CACNA1E: variants seen among roughly 807,000 people sequenced by gnomAD.
CACNA1E encodes voltage-dependent R-type calcium channel subunit alpha-1E.
CACNA1E carries 40 observed loss-of-function variants against 259.2 expected under a neutral mutation model. The ratio of observed to expected loss-of-function variants is 0.15; its 90% CI spans 0.12 to 0.20. The LOEUF (loss-of-function observed/expected upper bound fraction) is 0.20. CACNA1E is among the 10% of genes least tolerant of loss of function. CACNA1E has a pLI of 1.00. For missense variants in CACNA1E, 1,874 were observed against 3,040.1 expected, an observed-to-expected ratio of 0.62 and a Z score of 9.02; for synonymous variants, 1,104 against 1,138.5, an observed-to-expected ratio of 0.97 and a Z score of 0.61.
chr1:181,708,604 A>G (rs980172131), intron 7 of CACNA1E, among the ~76,000 whole-genome samples: 4 of 152,212 alleles, frequency 2.6e-5, no homozygotes, highest in Non-Finnish European at 5.9e-5. Context: ...CAGACCTATG[A>G]AAAGGTAAAG....
intron 2 of CACNA1E, among the ~76,000 whole-genome samples, chr1:181,436,744 G>GT (rs113499116): frequency 0.074 from 10,401 of 140,314 alleles, 605 homozygotes; most frequent in African/African-American, 0.17. Context: ...TGTTCAAAGG[G>GT]TACAACATTT....
intron 1 of CACNA1E, among the ~76,000 whole-genome samples, chr1:181,336,150 T>G (rs182578798): frequency 3.4e-4 from 52 of 152,262 alleles, no homozygotes; most frequent in African/African-American, 1.1e-3. Flanking sequence ...AGGGCTTGAG[T>G]GAAGATAGAA....
At chr1:181,788,835 A>ATAAT (rs1661060443) in intron 43 of CACNA1E, among the ~76,000 whole-genome samples, 1 of 152,350 alleles carries the variant, frequency 6.6e-6, no homozygotes, top group South Asian at 2.1e-4. Context: ...TGAGGATTCT[A>ATAAT]TAATTATTTA....
chr1:181,743,394 C>T (rs1270773238), intron 25 of CACNA1E, among the ~76,000 whole-genome samples: 3 of 152,220 alleles, frequency 2.0e-5, no homozygotes, highest in African/African-American at 4.8e-5. Flanking sequence ...GTTGCCATCG[C>T]TGCTGCTTCC....
At chr1:181,343,748 T>C (rs1316414819) in intron 1 of CACNA1E, among the ~76,000 whole-genome samples, 3 of 152,218 alleles carry the variant, frequency 2.0e-5, no homozygotes, top group African/African-American at 7.2e-5. Flanking sequence ...ATTGCATCCT[T>C]GCATCCTTGG....
intron 3 of CACNA1E, among the ~76,000 whole-genome samples, chr1:181,570,858 C>T (rs1174606305): frequency 6.6e-6 from 1 of 152,220 alleles, no homozygotes; most frequent in Non-Finnish European, 1.5e-5. Flanking sequence ...GTCCCTTTTG[C>T]CATAACAGGT....
intron 1 of CACNA1E, among the ~76,000 whole-genome samples, chr1:181,402,128 A>G (rs1489561243): frequency 2.6e-5 from 4 of 152,380 alleles, no homozygotes; most frequent in Non-Finnish European, 4.4e-5. Context: ...ACTAATTTTT[A>G]TAACCAGATG....
At chr1:181,411,294 A>G (rs1404281620) in intron 1 of CACNA1E, among the ~76,000 whole-genome samples, 1 of 152,168 alleles carries the variant, frequency 6.6e-6, no homozygotes, top group Non-Finnish European at 1.5e-5. Flanking sequence ...AAGATCTAGT[A>G]CCAGCCACCC....
At position 181,771,823 on chromosome 1, in the gene CACNA1E, C is replaced by T. The variant is rs187995568; in HGVS notation, c.4974-243C>T. Among the ~76,000 whole-genome samples, 16 of 152,228 alleles carry T rather than the reference C, an allele frequency of 1.1e-4. No homozygotes were observed. In the East Asian group the frequency reaches 3.1e-3, roughly 29 times the overall value. On this transcript the variant is annotated intron_variant, in intron 36 of 47. Coordinates refer to ENST00000367573, the MANE Select transcript of CACNA1E (RefSeq NM_001205293.3). ...GTTTATGCTGGGTCTTAGAGAATCCCATGACTAGTAGCAGAGACCCCATAA... is the reference window on the plus strand; with the variant it reads ...GTTTATGCTGGGTCTTAGAGAATCCTATGACTAGTAGCAGAGACCCCATAA...
rs180906686 is a variant in CACNA1E, at chr1:181,388,954, T to C, written c.-14-24179T>C. On this transcript the variant is annotated intron_variant, in intron 1 of 11. Transcript: ENST00000524607. The stretch of plus-strand genomic sequence containing the variant: ...CGTTGTATATGCTGTCTGACATTGA[T>C]GGAAACATTGTTTTGTGGTGCATGA... Among the ~76,000 whole-genome samples, 41 of 152,244 alleles carry C rather than the reference T, an allele frequency of 2.7e-4. No homozygotes were observed. In the East Asian group the frequency reaches 7.3e-3, roughly 27 times the overall value.
At position 181,519,034 on chromosome 1, in the gene CACNA1E, C is replaced by T. The variant is rs1011216218; in HGVS notation, c.512+7524C>T. On this transcript the variant is annotated intron_variant, in intron 3 of 47. Coordinates refer to ENST00000367573, the MANE Select transcript of CACNA1E (RefSeq NM_001205293.3). ...TGGCAAGGTGCTTTCTAAGTCAGACCGTTCTCCTGGGCCTGGAGCTCTCAT... is the reference window on the plus strand; with the variant it reads ...TGGCAAGGTGCTTTCTAAGTCAGACTGTTCTCCTGGGCCTGGAGCTCTCAT... Among the ~76,000 whole-genome samples, 6 of 152,144 alleles carry T rather than the reference C, an allele frequency of 3.9e-5. No homozygotes were observed. In the South Asian group the frequency reaches 6.2e-4, roughly 16 times the overall value.
chr1:181,750,869 A>C (rs1008689190), intron 26 of CACNA1E, among the ~76,000 whole-genome samples: 1 of 152,196 alleles, frequency 6.6e-6, no homozygotes, highest in Non-Finnish European at 1.5e-5. Flanking sequence ...TCATTAAGAG[A>C]GTCTTAAAAT....
In CACNA1E at chr1:181,439,549, C is replaced by G. The variant is rs1049761228; in HGVS notation, c.434+25969C>G. Reference sequence around the variant, plus strand: ...AGGACAGGGCTGCAACTCAGTCATCCTGGTGTCCCCATCACCCAGCACAGT... The same window carrying G: ...AGGACAGGGCTGCAACTCAGTCATCGTGGTGTCCCCATCACCCAGCACAGT... On this transcript the variant is annotated intron_variant, in intron 2 of 11. Transcript: ENST00000524607. Among the ~76,000 whole-genome samples the G allele has an allele frequency of 7.2e-5, 11 of 152,146 alleles. 1 individual carries two copies. Among genetic ancestry groups the G allele is most frequent in the South Asian group, 4.1e-4 (2 of 4,824 alleles).
intron 1 of CACNA1E, among the ~76,000 whole-genome samples, chr1:181,318,872 T>C (rs1281378626): frequency 1.3e-5 from 2 of 152,138 alleles, no homozygotes; most frequent in Non-Finnish European, 2.9e-5. Flanking sequence ...CCAGGCTGCA[T>C]AGGGTGACTT....
chr1:181,485,179 G>A lies in CACNA1E; in HGVS notation c.266+1169G>A, dbSNP rs1032037527. ...TGGGAGGGATGCATCTGCAATGGAGGCCCCTTCTTTTCTCCCCTATTCTCC... is the reference window on the plus strand; with the variant it reads ...TGGGAGGGATGCATCTGCAATGGAGACCCCTTCTTTTCTCCCCTATTCTCC... On this transcript the variant is annotated intron_variant, in intron 1 of 47. Transcript: ENST00000367573. The surrounding 1 kb of genome is among the most constrained non-coding windows in gnomAD (Gnocchi z 4.2). Among the ~76,000 whole-genome samples, 4 of 152,138 alleles carry A rather than the reference G, an allele frequency of 2.6e-5. No individual in the cohort carries two copies. The highest frequency in any genetic ancestry group is 9.7e-5 in the African/African-American group (4 of 41,428).
intron 22 of CACNA1E, among the ~76,000 whole-genome samples, chr1:181,737,088 C>A (rs367698174): frequency 2.0e-5 from 3 of 152,220 alleles, no homozygotes; most frequent in African/African-American, 7.2e-5. Flanking sequence ...TAACCTGGGG[C>A]TCATGAAAAC....
At chr1:181,692,123 C>A (rs1358042219) in intron 7 of CACNA1E, among the ~76,000 whole-genome samples, 1 of 151,948 alleles carries the variant, frequency 6.6e-6, no homozygotes, top group Non-Finnish European at 1.5e-5. Context: ...AAGATCTCTA[C>A]CAACAAGAAA....
Position 181,399,090 on chromosome 1 carries a change from T to TTCCCAGTATTGTGACCTTTCCG in CACNA1E, c.-14-14039_-14-14018dup, listed in dbSNP as rs1427481279. The stretch of plus-strand genomic sequence containing the variant: ...CCACATCCCCTCAATCCTTTGATTC[T>TTCCCAGTATTGTGACCTTTCCG]TCCCAGTATTGTGACCTTTCCGTCC... On this transcript the variant is annotated intron_variant, in intron 1 of 11. Coordinates refer to the CACNA1E transcript ENST00000524607. Among the ~76,000 whole-genome samples the TTCCCAGTATTGTGACCTTTCCG allele has an allele frequency of 2.6e-5, 4 of 152,318 alleles. No individual in the cohort carries two copies. The East Asian group carries it at 7.7e-4, about 29-fold the overall frequency.
At chr1:181,769,470 C>A (rs1168193306) in intron 35 of CACNA1E, among the ~76,000 whole-genome samples, 25 of 147,112 alleles carry the variant, frequency 1.7e-4, no homozygotes, top group African/African-American at 6.3e-4. Flanking sequence ...AAGATGAGGT[C>A]TCACTGTGTT....
Sources: gnomAD v4.1 joint callset for allele counts (sites outside exome capture counted in the v4.1 genomes callset) on GRCh38, gnomAD v4.1.1 for gene constraint, Gnocchi (gnomAD v3.1) non-coding constraint, MANE v1.5 for transcripts, NCBI Gene and HGNC (gene_info 2026-07-23, HGNC 2026-07-21) for gene names.